Variants in SNED1 observed in about 807,000 individuals in gnomAD.
The protein encoded by SNED1 is sushi, nidogen and EGF-like domain-containing protein 1.
Under a neutral mutation model 166.7 loss-of-function variants are expected in SNED1, and 81 were observed. The observed-to-expected ratio is 0.49, with a 90% CI of 0.41 to 0.58. The LOEUF (loss-of-function observed/expected upper bound fraction) is 0.58. Among genes scored for constraint, SNED1 ranks in the 20% least tolerant of loss-of-function variants. The pLI, the probability that SNED1 is intolerant of heterozygous loss-of-function variation, is 0.00. For missense variants in SNED1, 1,604 were observed against 2,000.2 expected (o/e 0.80, Z 3.78); for synonymous variants, 762 against 822.0 (o/e 0.93, Z 1.25).
intron 29 of SNED1, among the ~76,000 whole-genome samples, chr2:241,085,121 G>A (rs1040626223): frequency 6.6e-6 from 1 of 151,974 alleles, no homozygotes; most frequent in Non-Finnish European, 1.5e-5. Context: ...ATTCTCTGGA[G>A]TTTAAGCTTC....
At chr2:241,063,303 CA>C in intron 17 of SNED1, 1 of 516,810 alleles carries the variant, frequency 1.9e-6, no homozygotes, top group Non-Finnish European at 3.5e-6. Flanking sequence ...GGGCAAGGCC[CA>C]GGGAGCCGTG....
At position 241,090,430 on chromosome 2, in the gene SNED1, A is replaced by C. The variant is rs1413785680; in HGVS notation, c.*2-1208A>C. 8.4e-6 allele frequency: 13 copies of C among 1,547,094 alleles called. No individual in the cohort carries two copies. The South Asian group carries it at 1.1e-4, about 13-fold the overall frequency. On this transcript the variant is annotated intron_variant, in intron 31 of 31. Coordinates refer to ENST00000310397, the MANE Select transcript of SNED1 (RefSeq NM_001080437.3). ...GCCATTTTATAGTTAACTTTTTTTC[A>C]TAAGTAGAAGGAGTACACTCTAAAA...
At chr2:241,025,416 A>G (rs1316458474) in intron 1 of SNED1, among the ~76,000 whole-genome samples, 1 of 152,154 alleles carries the variant, frequency 6.6e-6, no homozygotes, top group African/African-American at 2.4e-5. Flanking sequence ...AATATTCACT[A>G]CCAAGTTCAT....
rs2062347697 is a variant in SNED1, at chr2:241,064,212, GCTCCCCGCCCTCTGCCCGCC to G, written c.2599+88_2599+107del. The G allele has an allele frequency of 1.1e-6, 1 of 920,850 alleles. No homozygotes were observed. The highest frequency in any genetic ancestry group is 1.9e-5 in the African/African-American group (1 of 53,858). The allele number at this position is 920,850 out of a possible 1,614,324, so 57.0% of individuals were successfully genotyped here. A position where few individuals can be genotyped will look rare whatever the true frequency, so the allele number is the denominator to read the frequency against. On this transcript the variant is annotated intron_variant, in intron 19 of 31. Coordinates refer to ENST00000310397, the MANE Select transcript of SNED1 (RefSeq NM_001080437.3). The surrounding 1 kb of genome is among the most constrained non-coding windows in gnomAD (Gnocchi z 7.0). ...CCTGCTGCCCGCCCTCTGCCCGCCT[GCTCCCCGCCCTCTGCCCGCC>G]TGCTCCCCGCCCTCTGCCCGCCGCC...
intron 1 of SNED1, among the ~76,000 whole-genome samples, chr2:241,001,165 C>T (rs75011974): frequency 0.024 from 3,674 of 152,348 alleles, 74 homozygotes; most frequent in Non-Finnish European, 0.041. Flanking sequence ...CCAGGACCCT[C>T]CAGCCCCCAT....
rs1172104010 is a variant in SNED1, at chr2:241,092,432, AGGT to A, written c.*802_*804del. 1.3e-5 allele frequency: 2 copies of A among 152,212 alleles called. No homozygotes were observed. The highest frequency in any genetic ancestry group is 2.9e-5 in the Non-Finnish European group (2 of 68,040). The allele number at this position is 152,212 out of a possible 1,614,324, so 9.4% of individuals were successfully genotyped here. A position where few individuals can be genotyped will look rare whatever the true frequency, so the allele number is the denominator to read the frequency against. On this transcript the variant is annotated 3_prime_UTR_variant, in exon 32 of 32. Transcript: ENST00000310397. The surrounding 1 kb of genome is among the most constrained non-coding windows in gnomAD (Gnocchi z 4.6). Reference sequence around the variant, plus strand: ...CCAATAAAAACTTATTTACAATAACAGGTGGTGGCCAAATTGGCCCATGGGCCT... The same window carrying A: ...CCAATAAAAACTTATTTACAATAACAGGTGGCCAAATTGGCCCATGGGCCT...
intron 29 of SNED1, among the ~76,000 whole-genome samples, chr2:241,083,427 T>C (rs191051531): frequency 3.6e-4 from 55 of 152,040 alleles, no homozygotes; most frequent in African/African-American, 1.3e-3. Context: ...AGCAGAAGAG[T>C]GACATGTTCG....
At chr2:241,057,274 G>A (rs1353178336) in intron 16 of SNED1, among the ~76,000 whole-genome samples, 1 of 151,570 alleles carries the variant, frequency 6.6e-6, no homozygotes, top group African/African-American at 2.4e-5. Flanking sequence ...AGCTACTCAG[G>A]AGGCTGAAGC....
intron 15 of SNED1, among the ~76,000 whole-genome samples, 167 bp downstream of exon 15, chr2:241,052,635 C>CGGGGG (rs1232343788): frequency 2.3e-5 from 2 of 88,520 alleles, no homozygotes; most frequent in African/African-American, 8.3e-5. Context: ...GTGAGAGGGC[C>CGGGGG]GGGGGGCCAA....
intron 1 of SNED1, among the ~76,000 whole-genome samples, chr2:241,023,888 C>CTTTTTTTTTTTTTTTTTT (rs34234341): frequency 1.5e-4 from 14 of 91,996 alleles, no homozygotes; most frequent in East Asian, 3.6e-4. Context: ...TTTTTTTTTC[C>CTTTTTTTTTTTTTTTTTT]TTTTTTTTTT....
chr2:241,070,683 A>G (rs894549736), intron 24 of SNED1, among the ~76,000 whole-genome samples: 1 of 152,188 alleles, frequency 6.6e-6, no homozygotes, highest in African/African-American at 2.4e-5. Context: ...GTGGGGACAG[A>G]TGCTCCGAAG....
Position 241,071,468 on chromosome 2 carries a change from CCTTCT to C in SNED1, c.3590-106_3590-102del, listed in dbSNP as rs769816188. On this transcript the variant is annotated intron_variant, in intron 24 of 31. Transcript: ENST00000310397. ...ACGGCCCACGCACATGCCCCCCTTCCCTTCTCCAAGCACGGCTGAGTGTGAGGGGC... is the reference window on the plus strand; with the variant it reads ...ACGGCCCACGCACATGCCCCCCTTCCCCAAGCACGGCTGAGTGTGAGGGGC... 12 of 1,332,566 alleles carry C rather than the reference CCTTCT, an allele frequency of 9.0e-6. No homozygotes were observed. The Admixed American group carries it at 2.2e-4, about 25-fold the overall frequency. The allele number at this position is 1,332,566 out of a possible 1,614,324, so 82.5% of individuals were successfully genotyped here.
At chr2:241,012,133 T>TGG (rs144740612) in intron 1 of SNED1, among the ~76,000 whole-genome samples, 2 of 152,002 alleles carry the variant, frequency 1.3e-5, no homozygotes, top group African/African-American at 2.4e-5. Context: ...AGGAAGAGCA[T>TGG]GGGGGGTGCG....
intron 1 of SNED1, among the ~76,000 whole-genome samples, chr2:241,021,427 C>G (rs1428149984): frequency 6.6e-6 from 1 of 152,174 alleles, no homozygotes; most frequent in East Asian, 1.9e-4. Context: ...AACTCCATGC[C>G]CTTTAGCCCT....
intron 8 of SNED1, among the ~76,000 whole-genome samples, chr2:241,040,671 C>T (rs2061498787): frequency 6.6e-6 from 1 of 152,172 alleles, no homozygotes; most frequent in Admixed American, 6.5e-5. Flanking sequence ...TGAGCAACCC[C>T]TTCCCCTCTC....
intron 27 of SNED1, among the ~76,000 whole-genome samples, chr2:241,079,658 A>G (rs1559307141): frequency 6.6e-6 from 1 of 152,154 alleles, no homozygotes; most frequent in African/African-American, 2.4e-5. Context: ...TAAAAACAAT[A>G]AAAAGAAAAG....
chr2:241,057,678 T>C (rs2062101266), intron 16 of SNED1, among the ~76,000 whole-genome samples: 1 of 151,950 alleles, frequency 6.6e-6, no homozygotes, highest in South Asian at 2.1e-4. Context: ...CAAGACCCTG[T>C]CTCTAAAAAA....
At chr2:241,034,861 C>A in intron 4 of SNED1, 131 bp downstream of exon 4, 1 of 1,021,744 alleles carries the variant, frequency 9.8e-7, no homozygotes, top group Non-Finnish European at 1.4e-6. Flanking sequence ...CCAGCCCAGC[C>A]CACCTCAGGC....
At chr2:241,034,420 T>C in intron 3 of SNED1, 148 bp from the exon 4 acceptor site, 1 of 741,282 alleles carries the variant, frequency 1.3e-6, no homozygotes, top group Non-Finnish European at 2.1e-6. Context: ...GCCAGCCCTC[T>C]CCTTGGCTCC....
Sources: gnomAD v4.1 joint callset for allele counts (sites outside exome capture counted in the v4.1 genomes callset) on GRCh38, gnomAD v4.1.1 for gene constraint, Gnocchi (gnomAD v3.1) non-coding constraint, MANE v1.5 for transcripts, NCBI Gene and HGNC (gene_info 2026-07-23, HGNC 2026-07-21) for gene names.